The following CARD14 variants were observed in gnomAD, a reference collection of about 807,000 sequenced individuals.
CARD14 encodes the protein caspase recruitment domain family member 14.
A neutral mutation model predicts 111.5 loss-of-function variants in CARD14; 107 were observed. That is an observed-to-expected ratio of 0.96 (90% CI 0.82 to 1.13). The LOEUF (loss-of-function observed/expected upper bound fraction) is 1.13. Ranked by LOEUF, CARD14 falls within the 50% of genes most tolerant of loss-of-function variation. The probability of loss-of-function intolerance (pLI) is 0.00; values close to 1 mark genes in which losing one functional copy is unlikely to be tolerated. For missense variants in CARD14, 1,322 were observed against 1,362.3 expected, an observed-to-expected ratio of 0.97 and a Z score of 0.47; for synonymous variants, 617 against 579.6, an observed-to-expected ratio of 1.06 and a Z score of -0.93.
chr17:80,193,726 T>G (rs922959367), intron 12 of CARD14, among the ~76,000 whole-genome samples: 2 of 151,982 alleles, frequency 1.3e-5, no homozygotes, highest in Non-Finnish European at 2.9e-5. Context: ...CTCAGAGAGC[T>G]GGGGGAGGCC....
Position 80,198,767 on chromosome 17 carries a change from T to C in CARD14, c.1851+176T>C. On this transcript the variant is annotated intron_variant, in intron 16 of 23. Transcript: ENST00000648509. The surrounding 1 kb of genome is among the most constrained non-coding windows in gnomAD (Gnocchi z 7.5). ...TCTGCTCATTTATAGATGAGAGTCG[T>C]GCCGTGCAGAACCCAGCATGTCACC... The C allele has an allele frequency of 6.6e-7, 1 of 1,516,962 alleles. No homozygotes were observed. The highest frequency in any genetic ancestry group is 8.8e-7 in the Non-Finnish European group (1 of 1,135,776). The allele number at this position is 1,516,962 out of a possible 1,614,324, so 94.0% of individuals were successfully genotyped here.
rs750861960 is a variant in CARD14, at chr17:80,202,140, TATCTGTGGCTC to T, written c.1979-26_1979-16del. 2.1e-4 allele frequency: 331 copies of T among 1,548,954 alleles called. 1 individual carries two copies. The East Asian group carries it at 2.1e-3, about 10-fold the overall frequency. ...CTGCAACCTTCCTCGCAGAGGCTCG[TATCTGTGGCTC>T]ATCTGTGGCTCATGTCCCCTTTTAT... On this transcript the variant is annotated intron_variant, in intron 17 of 23. Coordinates refer to ENST00000648509, the MANE Select transcript of CARD14 (RefSeq NM_001366385.1).
In CARD14 at chr17:80,192,477, C is replaced by A. The variant is rs148343429; in HGVS notation, c.1240-26C>A. On this transcript the variant is annotated intron_variant, in intron 11 of 23. Transcript: ENST00000648509. ...AAAGCGGAACCTTTCCCGAATTAAC[C>A]AGCCTGTCTGGCCTGTCTTTGGCAG... 222 of 1,587,036 alleles carry A rather than the reference C, an allele frequency of 1.4e-4. No individual in the cohort carries two copies. In the African/African-American group the frequency reaches 2.4e-3, roughly 17 times the overall value.
At chr17:80,187,980 G>T in intron 7 of CARD14, 1 of 987,396 alleles carries the variant, frequency 1.0e-6, no homozygotes, top group Non-Finnish European at 1.2e-6. Flanking sequence ...TGATTTCCAT[G>T]ACTCCAAATT....
At chr17:80,199,001 T>G (rs1177655923) in intron 16 of CARD14, 1 of 861,958 alleles carries the variant, frequency 1.2e-6, no homozygotes, top group East Asian at 1.0e-4. Flanking sequence ...CAGGCTAGAG[T>G]GCTGCGGTGC....
Position 80,191,220 on chromosome 17 carries a change from G to A in CARD14, c.1090-103G>A. 4 of 1,401,530 alleles carry A rather than the reference G, an allele frequency of 2.9e-6. No homozygotes were observed. In the Middle Eastern group the frequency reaches 5.5e-4, roughly 193 times the overall value. The allele number at this position is 1,401,530 out of a possible 1,614,324, so 86.8% of individuals were successfully genotyped here. A position where few individuals can be genotyped will look rare whatever the true frequency, so the allele number is the denominator to read the frequency against. On this transcript the variant is annotated intron_variant, in intron 10 of 23. Transcript: ENST00000648509. Reference sequence around the variant, plus strand: ...TGCACAGCTCAGCGTGGGCCATTTAGTGGATGTCAGATGAGCGCAGGCTAG... The same window carrying A: ...TGCACAGCTCAGCGTGGGCCATTTAATGGATGTCAGATGAGCGCAGGCTAG...
At chr17:80,180,399 C>T (rs56694512) in intron 4 of CARD14, among the ~76,000 whole-genome samples, 5 of 152,160 alleles carry the variant, frequency 3.3e-5, no homozygotes, top group African/African-American at 4.8e-5. Flanking sequence ...CCACACCCCC[C>T]GCAGCCGAGC....
chr17:80,181,699 A>T, intron 5 of CARD14, 50 bp downstream of exon 5: 1 of 1,476,736 alleles, frequency 6.8e-7, no homozygotes, highest in Middle Eastern at 2.3e-4. Flanking sequence ...CGTGGCCCAC[A>T]TGGCTCCACT....
rs1016743688 is a variant in CARD14 at position 80,172,934 on chromosome 17, G to GC, written c.-660dup. On this transcript the variant is annotated 5_prime_UTR_variant, in exon 2 of 24. An upstream open reading frame in the 5' UTR gains an earlier in-frame stop. Coordinates refer to ENST00000648509, the MANE Select transcript of CARD14 (RefSeq NM_001366385.1). ...TTCACTCTGGCTCCTAGGCTGGAATGCAGTGGCACCATCTCAGCTCTCTGC... is the reference window on the plus strand; with the variant it reads ...TTCACTCTGGCTCCTAGGCTGGAATGCCAGTGGCACCATCTCAGCTCTCTGC... 3.4e-5 allele frequency: 4 copies of GC among 117,488 alleles called. No homozygotes were observed. The highest frequency in any genetic ancestry group is 1.4e-4 in the African/African-American group (4 of 29,590). The allele number at this position is 117,488 out of a possible 1,614,324, so 7.3% of individuals were successfully genotyped here.
chr17:80,202,023 C>G (rs1353032355), intron 17 of CARD14, 153 bp downstream of exon 17: 7 of 1,247,280 alleles, frequency 5.6e-6, no homozygotes, highest in Non-Finnish European at 6.7e-6. Flanking sequence ...AGGAGGCCCC[C>G]AAGCCAGCTG....
chr17:80,201,744 G>A lies in CARD14; in HGVS notation c.1852G>A (p.Val618Ile), dbSNP rs555817181. 1 of 1,614,028 alleles carries A rather than the reference G, an allele frequency of 6.2e-7. No individual in the cohort carries two copies. Among genetic ancestry groups the A allele is most frequent in the African/African-American group, 1.3e-5 (1 of 75,050 alleles). ...ALRPGTQIVM[V>I]DYEASEPLFK... ...ACTGACCTTCTCGACTTGCCCTCAG[G>A]TTGATTACGAAGCCTCAGAGCCCTT... is the stretch of plus-strand genomic sequence containing the variant. The change falls in exon 17 of 24, where the codon GTT becomes ATT. Residue 618 changes from valine to isoleucine, a missense_variant and splice_region_variant. Val to Ile is a conservative substitution (Grantham distance 29, BLOSUM62 3). Transcript: ENST00000648509. This position sits in a 1 kb window ranked among gnomAD's most constrained non-coding sequence, Gnocchi z 5.0.
chr17:80,170,097 T>A (rs1439882074), intron 1 of CARD14, 41 bp downstream of exon 1: 1 of 152,174 alleles, frequency 6.6e-6, no homozygotes, highest in Non-Finnish European at 1.5e-5. Flanking sequence ...CAGGTCAGCC[T>A]ACGGAGGGCT....
intron 2 of CARD14, among the ~76,000 whole-genome samples, chr17:80,175,954 T>G (rs1405927592): frequency 3.9e-3 from 35 of 8,900 alleles, no homozygotes; most frequent in Non-Finnish European, 7.7e-3. Flanking sequence ...CTCGGATCGT[T>G]TTTTTTTTTT....
intron 7 of CARD14, among the ~76,000 whole-genome samples, chr17:80,186,275 C>T (rs555707006): frequency 2.0e-4 from 30 of 152,350 alleles, no homozygotes; most frequent in Non-Finnish European, 3.7e-4. Flanking sequence ...TCCCTTCTCC[C>T]GTGGCTGACT....
chr17:80,177,275 CTGGAG>C (rs923224828), intron 2 of CARD14, among the ~76,000 whole-genome samples: 3 of 151,988 alleles, frequency 2.0e-5, no homozygotes, highest in Non-Finnish European at 4.4e-5. Context: ...GTCGTCCAGG[CTGGAG>C]TGGAGTGGCA....
At chr17:80,183,859 C>A in intron 6 of CARD14, 54 bp from the exon 7 acceptor site, 1 of 1,410,944 alleles carries the variant, frequency 7.1e-7, no homozygotes, top group Non-Finnish European at 9.3e-7. Flanking sequence ...TACCCACCTG[C>A]CCACCTATTA....
Position 80,198,676 on chromosome 17 carries a change from T to C in CARD14, c.1851+85T>C. Reference sequence around the variant, plus strand: ...TGGGGTGACCCAGGCAGACTTCACCTCCCCCAGACGATGCAGATCCACTCT... The same window carrying C: ...TGGGGTGACCCAGGCAGACTTCACCCCCCCCAGACGATGCAGATCCACTCT... On this transcript the variant is annotated intron_variant, in intron 16 of 23. Coordinates refer to ENST00000648509, the MANE Select transcript of CARD14 (RefSeq NM_001366385.1). This position sits in a 1 kb window ranked among gnomAD's most constrained non-coding sequence, Gnocchi z 7.5. The C allele has an allele frequency of 6.2e-7, 1 of 1,606,216 alleles. No individual in the cohort carries two copies. Among genetic ancestry groups the C allele is most frequent in the Non-Finnish European group, 8.5e-7 (1 of 1,178,890 alleles).
chr17:80,191,258 C>T, intron 10 of CARD14, 65 bp from the exon 11 acceptor site: 8 of 1,574,506 alleles, frequency 5.1e-6, no homozygotes, highest in Non-Finnish European at 6.9e-6. Flanking sequence ...ACAGGGCTCT[C>T]CTTCTCTAGC....
At position 80,201,452 on chromosome 17, in the gene CARD14, T is replaced by G; in HGVS notation, c.1852-292T>G. 1 of 395,718 alleles carries G rather than the reference T, an allele frequency of 2.5e-6. No individual in the cohort carries two copies. Among genetic ancestry groups the G allele is most frequent in the Non-Finnish European group, 4.6e-6 (1 of 216,664 alleles). The allele number at this position is 395,718 out of a possible 1,614,324, so 24.5% of individuals were successfully genotyped here. A position where few individuals can be genotyped will look rare whatever the true frequency, so the allele number is the denominator to read the frequency against. ...TAGAACCGAGGTTCTTTCTTTTCTT[T>G]TCTTTTCTTTTTCAAGACAGGAAAG... On this transcript the variant is annotated intron_variant, in intron 16 of 23. Coordinates refer to ENST00000648509, the MANE Select transcript of CARD14 (RefSeq NM_001366385.1). The surrounding 1 kb of genome is among the most constrained non-coding windows in gnomAD (Gnocchi z 5.0).
Sources: allele counts gnomAD v4.1 joint callset (sites outside exome capture counted in the v4.1 genomes callset), GRCh38; gene constraint gnomAD v4.1.1; non-coding constraint Gnocchi (gnomAD v3.1); transcripts MANE v1.5; gene names NCBI Gene and HGNC (gene_info 2026-07-23, HGNC 2026-07-21).